Variants in PRKAA1 observed in about 807,000 individuals in gnomAD.
The protein encoded by PRKAA1 is 5'-AMP-activated protein kinase catalytic subunit alpha-1.
In PRKAA1, 23 loss-of-function variants were observed where a neutral mutation model predicts 56.9. The observed-to-expected ratio is 0.40, with a 90% confidence interval of 0.29 to 0.57. The LOEUF (loss-of-function observed/expected upper bound fraction) is 0.57, where lower values mean the gene tolerates loss of function less well. PRKAA1 is among the 20% of genes least tolerant of loss of function. The probability of loss-of-function intolerance (pLI) is 0.39; values close to 1 mark genes in which losing one functional copy is unlikely to be tolerated. For missense variants in PRKAA1, 413 were observed against 679.7 expected, an observed-to-expected ratio of 0.61 and a Z score of 4.36; for synonymous variants, 226 against 227.0, an observed-to-expected ratio of 1.00 and a Z score of 0.04.
intron 1 of PRKAA1, among the ~76,000 whole-genome samples, chr5:40,792,011 T>C (rs1317226492): frequency 6.6e-6 from 1 of 152,234 alleles, no homozygotes; most frequent in Admixed American, 6.5e-5. Context: ...GATAACACAA[T>C]ACCTGCACTA....
At chr5:40,776,245 T>C (rs1394827717) in intron 2 of PRKAA1, among the ~76,000 whole-genome samples, 2 of 152,164 alleles carry the variant, frequency 1.3e-5, no homozygotes, top group Non-Finnish European at 2.9e-5. Flanking sequence ...ATGAAATGCA[T>C]GGTAGAAAGT....
intron 6 of PRKAA1, among the ~76,000 whole-genome samples, chr5:40,766,355 G>A (rs1474792556): frequency 6.6e-6 from 1 of 152,034 alleles, no homozygotes; most frequent in Non-Finnish European, 1.5e-5. Flanking sequence ...TAAATGTGCA[G>A]TCTAGCCATT....
intron 3 of PRKAA1, 83 bp from the exon 4 acceptor site, chr5:40,771,946 G>A: frequency 1.3e-6 from 2 of 1,484,154 alleles, no homozygotes; most frequent in South Asian, 1.2e-5. Flanking sequence ...CTATAAAATT[G>A]TCAAAATACA....
At chr5:40,786,778 T>TA (rs1318431251) in intron 1 of PRKAA1, among the ~76,000 whole-genome samples, 2 of 17,542 alleles carry the variant, frequency 1.1e-4, no homozygotes, top group Non-Finnish European at 2.6e-4. Context: ...CTGTCTCTAC[T>TA]AAAAATACAA....
intron 5 of PRKAA1, chr5:40,768,608 C>A (rs890761433): frequency 3.8e-6 from 4 of 1,062,658 alleles, no homozygotes; most frequent in Non-Finnish European, 4.5e-6. Context: ...TTACACAAAT[C>A]TCATTTCTTT....
At chr5:40,774,790 GCATACCA>G (rs745558249) in intron 3 of PRKAA1, 5 of 611,286 alleles carry the variant, frequency 8.2e-6, no homozygotes, top group Non-Finnish European at 1.4e-5. Context: ...AGGGGCTTTT[GCATACCA>G]CATAACCTGG....
intron 1 of PRKAA1, among the ~76,000 whole-genome samples, chr5:40,793,857 T>C (rs1408087392): frequency 6.6e-6 from 1 of 152,058 alleles, no homozygotes; most frequent in Non-Finnish European, 1.5e-5. Context: ...TCCCAGCACT[T>C]TGGGAGGCCG....
chr5:40,795,978 T>C (rs1453699538), intron 1 of PRKAA1, among the ~76,000 whole-genome samples: 1 of 152,216 alleles, frequency 6.6e-6, no homozygotes, highest in Non-Finnish European at 1.5e-5. Flanking sequence ...GAAAAATCTC[T>C]TCCTGCTTTA....
intron 1 of PRKAA1, among the ~76,000 whole-genome samples, chr5:40,782,526 A>G (rs746960737): frequency 5.3e-5 from 8 of 152,220 alleles, no homozygotes; most frequent in Non-Finnish European, 1.0e-4. Flanking sequence ...AAAAAAATGA[A>G]TAGACATTAA....
chr5:40,795,295 T>G (rs1038468093), intron 1 of PRKAA1, among the ~76,000 whole-genome samples: 2 of 152,126 alleles, frequency 1.3e-5, no homozygotes, highest in African/African-American at 4.8e-5. Context: ...CAATGTATAC[T>G]GCTCAGGTGA....
In PRKAA1 at chr5:40,764,962, G is replaced by A. The variant is rs567793001; in HGVS notation, c.1098C>T (p.His366=). 8.2e-5 allele frequency: 132 copies of A among 1,614,060 alleles called. 1 individual carries two copies. The highest frequency in any genetic ancestry group is 5.3e-4 in the South Asian group (48 of 91,090). Residue 366 remains histidine, a synonymous_variant, in exon 7 of 9, where the codon CAC becomes CAT. Coordinates refer to ENST00000397128, the MANE Select transcript of PRKAA1 (RefSeq NM_006251.6). The part of the protein sequence containing the change: ...SPPDSFLDDH[H]LTRPHPERVP... ...CTCTTTCAGGATGGGGCCGAGTCAGGTGATGATCATCAAGAAAAGAATCAG... is the reference window on the plus strand; with the variant it reads ...CTCTTTCAGGATGGGGCCGAGTCAGATGATGATCATCAAGAAAAGAATCAG...
At chr5:40,778,506 C>A (rs1467952075) in intron 1 of PRKAA1, among the ~76,000 whole-genome samples, 1 of 151,882 alleles carries the variant, frequency 6.6e-6, no homozygotes, top group Admixed American at 6.6e-5. Flanking sequence ...TTTTTAAATT[C>A]TTTTAATTTT....
At position 40,798,201 on chromosome 5, in the gene PRKAA1, AG is replaced by A. The variant is rs1395059559; in HGVS notation, c.-13del. On this transcript the variant is annotated 5_prime_UTR_variant, in exon 1 of 9. Transcript: ENST00000397128. ...CTGAGTCTGCGCATGGCGCTGCGGG[AG>A]GGGGCGGAGGGGGCGGGCAGGGCCG... The A allele has an allele frequency of 3.6e-6, 1 of 277,746 alleles. No homozygotes were observed. Among genetic ancestry groups the A allele is most frequent in the South Asian group, 4.1e-5 (1 of 24,632 alleles). The allele number at this position is 277,746 out of a possible 1,614,324, so 17.2% of individuals were successfully genotyped here. A position where few individuals can be genotyped will look rare whatever the true frequency, so the allele number is the denominator to read the frequency against.
intron 1 of PRKAA1, among the ~76,000 whole-genome samples, chr5:40,786,953 G>A (rs1315302153): frequency 2.6e-5 from 4 of 151,776 alleles, no homozygotes; most frequent in Admixed American, 2.6e-4. Context: ...GTGAGACTTT[G>A]TCTCAAACAA....
chr5:40,761,272 G>A lies in PRKAA1; in HGVS notation c.*1506C>T, dbSNP rs2111964557. On this transcript the variant is annotated 3_prime_UTR_variant, in exon 9 of 9. Transcript: ENST00000397128. ...AGTTAACTTCAGAAATTTAAATATGGCTTGATTAGATGATATTGGGGAATT... is the reference window on the plus strand; with the variant it reads ...AGTTAACTTCAGAAATTTAAATATGACTTGATTAGATGATATTGGGGAATT... 6.6e-6 allele frequency: 1 copy of A among 152,160 alleles called. No homozygotes were observed. Among genetic ancestry groups the A allele is most frequent in the African/African-American group, 2.4e-5 (1 of 41,526 alleles). The allele number at this position is 152,160 out of a possible 1,614,324, so 9.4% of individuals were successfully genotyped here.
At chr5:40,771,549 TCTTAG>T (rs1199649839) in intron 4 of PRKAA1, among the ~76,000 whole-genome samples, 165 bp downstream of exon 4, 1 of 152,212 alleles carries the variant, frequency 6.6e-6, no homozygotes, top group Non-Finnish European at 1.5e-5. Context: ...AAAGATGATT[TCTTAG>T]CTTTTCTTCT....
At chr5:40,786,490 C>T (rs908006329) in intron 1 of PRKAA1, among the ~76,000 whole-genome samples, 1 of 151,436 alleles carries the variant, frequency 6.6e-6, no homozygotes, top group Non-Finnish European at 1.5e-5. Context: ...TAAAGAAGTA[C>T]CAAACAGTAA....
Position 40,759,733 on chromosome 5 carries a change from C to T in PRKAA1, c.*3045G>A, listed in dbSNP as rs1174970201. The stretch of plus-strand genomic sequence containing the variant: ...TAATTCAATGTAAATGGTGTCACTA[C>T]AACATCAAAAAGAGCAGTGCTAGGC... On this transcript the variant is annotated 3_prime_UTR_variant, in exon 9 of 9. Transcript: ENST00000397128. 4 of 152,220 alleles carry T rather than the reference C, an allele frequency of 2.6e-5. No individual in the cohort carries two copies. The highest frequency in any genetic ancestry group is 5.9e-5 in the Non-Finnish European group (4 of 68,012). The allele number at this position is 152,220 out of a possible 1,614,324, so 9.4% of individuals were successfully genotyped here.
At chr5:40,777,199 G>A (rs1744049875) in intron 2 of PRKAA1, 1 of 268,546 alleles carries the variant, frequency 3.7e-6, no homozygotes, top group Non-Finnish European at 7.1e-6. Context: ...TTTTACTGGA[G>A]ACAGGGTTTC....
Sources: gnomAD v4.1 joint callset for allele counts (sites outside exome capture counted in the v4.1 genomes callset) on GRCh38, gnomAD v4.1.1 for gene constraint, MANE v1.5 for transcripts, NCBI Gene and HGNC (gene_info 2026-07-23, HGNC 2026-07-21) for gene names.